The following ZFPM2 variants were observed in gnomAD, a reference collection of about 807,000 sequenced individuals.
ZFPM2 encodes zinc finger protein ZFPM2.
ZFPM2 carries 20 observed loss-of-function variants against 98.6 expected under a neutral mutation model. The ratio of observed to expected loss-of-function variants is 0.20; its 90% CI spans 0.14 to 0.29. The LOEUF is 0.29. Among genes scored for constraint, ZFPM2 ranks in the 10% least tolerant of loss-of-function variants. The pLI is 1.00. For missense variants in ZFPM2, 1,310 were observed against 1,388.6 expected (o/e 0.94, Z 0.90); for synonymous variants, 518 against 502.7 (o/e 1.03, Z -0.41).
chr8:105,442,308 C>T (rs1812270236), intron 2 of ZFPM2, among the ~76,000 whole-genome samples: 1 of 152,160 alleles, frequency 6.6e-6, no homozygotes, highest in Admixed American at 6.5e-5. Flanking sequence ...CGCGCCACTG[C>T]ACTCCAGCCT....
At chr8:105,477,444 CA>C (rs1813034940) in intron 3 of ZFPM2, among the ~76,000 whole-genome samples, 1 of 151,668 alleles carries the variant, frequency 6.6e-6, no homozygotes, top group South Asian at 2.1e-4. Context: ...AGGGTTTCAC[CA>C]TGTTGGTCAG....
At chr8:105,558,968 A>T (rs1815065855) in intron 3 of ZFPM2, among the ~76,000 whole-genome samples, 1 of 152,160 alleles carries the variant, frequency 6.6e-6, no homozygotes, top group East Asian at 1.9e-4. Flanking sequence ...TAAACAGTTT[A>T]TTTTCAAATA....
At chr8:105,533,207 T>G (rs746234177) in intron 3 of ZFPM2, among the ~76,000 whole-genome samples, 25 of 152,134 alleles carry the variant, frequency 1.6e-4, no homozygotes, top group Non-Finnish European at 3.2e-4. Flanking sequence ...AAACATAATA[T>G]TTCTCTTGCC....
In ZFPM2 at chr8:105,417,184, G is replaced by A. The variant is rs141213751; in HGVS notation, c.41-1960G>A. Among the ~76,000 whole-genome samples, 662 of 152,012 alleles carry A rather than the reference G, an allele frequency of 4.4e-3. 3 individuals carry two copies. Among genetic ancestry groups the A allele is most frequent in the African/African-American group, 0.015 (623 of 41,456 alleles). ...AATAATCTTAAATTTTCACATTAGC[G>A]TTTTCACTTATCAGTTGGAAACCTT... On this transcript the variant is annotated intron_variant, in intron 1 of 7. Coordinates refer to ENST00000407775, the MANE Select transcript of ZFPM2 (RefSeq NM_012082.4).
intron 1 of ZFPM2, among the ~76,000 whole-genome samples, chr8:105,351,106 C>G (rs1586309647): frequency 6.7e-6 from 1 of 149,916 alleles, no homozygotes; most frequent in East Asian, 2.0e-4. Context: ...TCGCTTGAAC[C>G]TGGGAGACAG....
chr8:105,666,621 T>C (rs1817493055), intron 5 of ZFPM2, among the ~76,000 whole-genome samples: 1 of 152,184 alleles, frequency 6.6e-6, no homozygotes, highest in African/African-American at 2.4e-5. Flanking sequence ...TAAGAAACTT[T>C]CTAGAAAACC....
At chr8:105,436,697 C>T (rs939855025) in intron 2 of ZFPM2, among the ~76,000 whole-genome samples, 2 of 152,086 alleles carry the variant, frequency 1.3e-5, no homozygotes, top group African/African-American at 4.8e-5. Flanking sequence ...GCATCAAATC[C>T]TGGTTCTGCC....
chr8:105,558,659 C>G (rs1256564547), intron 3 of ZFPM2, among the ~76,000 whole-genome samples: 1 of 152,104 alleles, frequency 6.6e-6, no homozygotes, highest in Non-Finnish European at 1.5e-5. Context: ...TGAGTCCAAA[C>G]CCTTTTCAAA....
At chr8:105,372,965 A>G (rs1810653835) in intron 1 of ZFPM2, among the ~76,000 whole-genome samples, 1 of 152,226 alleles carries the variant, frequency 6.6e-6, no homozygotes, top group Non-Finnish European at 1.5e-5. Context: ...TTAGGTGGCA[A>G]TAATATTCAA....
intron 5 of ZFPM2, among the ~76,000 whole-genome samples, chr8:105,763,935 A>G (rs958059311): frequency 6.6e-6 from 1 of 151,906 alleles, no homozygotes; most frequent in Non-Finnish European, 1.5e-5. Context: ...GCCAATTAGC[A>G]TAGCAGAGAA....
chr8:105,781,303 C>T (rs544040201), intron 5 of ZFPM2, among the ~76,000 whole-genome samples: 23 of 152,238 alleles, frequency 1.5e-4, no homozygotes, highest in African/African-American at 5.5e-4. Flanking sequence ...TGGGAAAGTG[C>T]TGCATTTGTA....
At chr8:105,640,056 G>T (rs1017144618) in intron 5 of ZFPM2, among the ~76,000 whole-genome samples, 1 of 151,660 alleles carries the variant, frequency 6.6e-6, no homozygotes, top group South Asian at 2.1e-4. Flanking sequence ...ATCACTTTAC[G>T]TACATTTTCT....
chr8:105,538,549 T>C (rs1325990595), intron 3 of ZFPM2, among the ~76,000 whole-genome samples: 1 of 152,202 alleles, frequency 6.6e-6, no homozygotes, highest in African/African-American at 2.4e-5. Flanking sequence ...TTGTGTTGTC[T>C]GTCCCATAAA....
intron 5 of ZFPM2, among the ~76,000 whole-genome samples, chr8:105,696,669 A>G (rs976754333): frequency 5.3e-5 from 8 of 152,196 alleles, no homozygotes; most frequent in African/African-American, 1.9e-4. Flanking sequence ...ACAAATATGA[A>G]ATATTTTTAT....
intron 1 of ZFPM2, among the ~76,000 whole-genome samples, chr8:105,350,723 C>G (rs907613249): frequency 6.6e-6 from 1 of 152,070 alleles, no homozygotes; most frequent in Non-Finnish European, 1.5e-5. Context: ...ATTGGTTCTT[C>G]TATTTATTGG....
At chr8:105,423,787 G>A (rs549493110) in intron 2 of ZFPM2, among the ~76,000 whole-genome samples, 7 of 152,258 alleles carry the variant, frequency 4.6e-5, no homozygotes, top group Non-Finnish European at 1.0e-4. Context: ...CTGGCAGGTG[G>A]GAATGCCTAT....
At chr8:105,597,374 A>G (rs1312962046) in intron 4 of ZFPM2, among the ~76,000 whole-genome samples, 4 of 152,256 alleles carry the variant, frequency 2.6e-5, no homozygotes, top group Non-Finnish European at 5.9e-5. Flanking sequence ...TATGGAGATA[A>G]TATGTTTCAA....
At chr8:105,401,515 T>A (rs1339212860) in intron 1 of ZFPM2, among the ~76,000 whole-genome samples, 2 of 152,158 alleles carry the variant, frequency 1.3e-5, no homozygotes, top group Non-Finnish European at 2.9e-5. Flanking sequence ...CCATCCTGCT[T>A]TGAGGCACTC....
At chr8:105,579,220 G>C (rs17289829) in intron 4 of ZFPM2, among the ~76,000 whole-genome samples, 5 of 151,824 alleles carry the variant, frequency 3.3e-5, no homozygotes, top group African/African-American at 1.2e-4. Context: ...CTTTTTTTCT[G>C]CAAAGAGGAC....
Sources: allele counts gnomAD v4.1 joint callset (sites outside exome capture counted in the v4.1 genomes callset), GRCh38; gene constraint gnomAD v4.1.1; transcripts MANE v1.5; gene names NCBI Gene and HGNC (gene_info 2026-07-23, HGNC 2026-07-21).